WDR27: variants seen among roughly 807,000 people sequenced by gnomAD.
The protein encoded by WDR27 is WD repeat domain 27.
A neutral mutation model predicts 114.4 loss-of-function variants in WDR27; 100 were observed. The ratio of observed to expected loss-of-function variants is 0.87; its 90% CI spans 0.74 to 1.03. The LOEUF is 1.03. Ranked by LOEUF, WDR27 falls within the 50% of genes least tolerant of loss-of-function variation. The pLI is 0.00. For synonymous variants in WDR27, 449 were observed against 423.1 expected (o/e 1.06, Z -0.75); for missense variants, 1,129 against 1,092.9 (o/e 1.03, Z -0.47).
At position 169,668,269 on chromosome 6, in the gene WDR27, A is replaced by G. The variant is rs1003154962; in HGVS notation, c.457-84T>C. The G allele has an allele frequency of 5.7e-6, 8 of 1,404,334 alleles. No homozygotes were observed. In the African/African-American group the frequency reaches 1.1e-4, roughly 20 times the overall value. 87.0% of individuals were successfully genotyped at this position (1,404,334 alleles called of 1,614,324 possible). A position where few individuals can be genotyped will look rare whatever the true frequency, so the allele number is the denominator to read the frequency against. ...CCAAGGGTGAAAAGTCAGGTGTCTGAGCTAAGAGGAAAGCTCAGGCGACAG... is the reference window on the plus strand; with the variant it reads ...CCAAGGGTGAAAAGTCAGGTGTCTGGGCTAAGAGGAAAGCTCAGGCGACAG... On this transcript the variant is annotated intron_variant, in intron 4 of 25. Transcript: ENST00000448612.
intron 1 of WDR27, among the ~76,000 whole-genome samples, chr6:169,698,032 C>T (rs1441694029): frequency 1.3e-5 from 2 of 152,284 alleles, no homozygotes; most frequent in South Asian, 2.1e-4. Flanking sequence ...AAAGAAATAA[C>T]ACCATGACTC....
the WDR27 span, among the ~76,000 whole-genome samples, chr6:169,450,784 G>A: frequency 6.6e-6 from 1 of 152,150 alleles, no homozygotes; most frequent in African/African-American, 2.4e-5. Context: ...GAGATCCAGC[G>A]TGTCTCTGCT....
intron 25 of WDR27, among the ~76,000 whole-genome samples, chr6:169,487,807 A>G (rs1789138529): frequency 1.3e-5 from 2 of 152,244 alleles, no homozygotes; most frequent in South Asian, 4.1e-4. Context: ...AATGAGTATG[A>G]GAAAATCTCT....
intron 3 of WDR27, chr6:169,671,977 T>C (rs1460478279): frequency 3.8e-6 from 1 of 260,722 alleles, no homozygotes; most frequent in African/African-American, 2.2e-5. Context: ...TGGACAGTTC[T>C]TAAAATAAAA....
chr6:169,613,778 C>T lies in WDR27; in HGVS notation c.2224-122G>A, dbSNP rs940255075. On this transcript the variant is annotated intron_variant, in intron 21 of 25. Coordinates refer to ENST00000448612, the MANE Select transcript of WDR27 (RefSeq NM_182552.5). ...ATATTAACACAAAGTTTTTTTCTTA[C>T]TTGTAACAATTTCAGAATTGGACTC... The T allele has an allele frequency of 4.6e-6, 4 of 872,338 alleles. No individual in the cohort carries two copies. The African/African-American group carries it at 5.1e-5, about 11-fold the overall frequency. 54.0% of individuals were successfully genotyped at this position (872,338 alleles called of 1,614,324 possible).
intron 25 of WDR27, among the ~76,000 whole-genome samples, chr6:169,494,103 T>C (rs914522164): frequency 6.6e-6 from 1 of 152,246 alleles, no homozygotes; most frequent in Non-Finnish European, 1.5e-5. Context: ...TAATATTCTA[T>C]GTCAACTTGA....
intron 25 of WDR27, among the ~76,000 whole-genome samples, chr6:169,570,706 G>A (rs909407762): frequency 6.6e-6 from 1 of 152,180 alleles, no homozygotes; most frequent in African/African-American, 2.4e-5. Context: ...GCGGGCACCT[G>A]TAATCCCAAC....
intron 13 of WDR27, among the ~76,000 whole-genome samples, chr6:169,652,350 G>C (rs938699931): frequency 2.6e-5 from 4 of 152,256 alleles, no homozygotes; most frequent in Non-Finnish European, 4.4e-5. Context: ...CCATGTTCAA[G>C]TAATTCTCCT....
intron 25 of WDR27, among the ~76,000 whole-genome samples, chr6:169,551,873 G>A (rs1798186159): frequency 6.6e-6 from 1 of 152,106 alleles, no homozygotes; most frequent in Admixed American, 6.5e-5. Flanking sequence ...CTGCTATTCT[G>A]AACGCAGTCA....
chr6:169,687,410 GA>G (rs999625758), intron 2 of WDR27, among the ~76,000 whole-genome samples: 2 of 151,728 alleles, frequency 1.3e-5, no homozygotes, highest in African/African-American at 4.8e-5. Flanking sequence ...TAATCCAATA[GA>G]AAAAAATGGC....
At position 169,672,382 on chromosome 6, in the gene WDR27, T is replaced by C; in HGVS notation, c.204A>G (p.Arg68=). The part of the protein sequence containing the change: ...KDPSHQLLIL[R]GHHQPITAMA... Reference sequence around the variant, plus strand: ...TAGCAGTAATTGGCTGATGGTGTCCTCGTAGGATTAGAAGCTGGGAAAATT... The same window carrying C: ...TAGCAGTAATTGGCTGATGGTGTCCCCGTAGGATTAGAAGCTGGGAAAATT... The change falls in exon 3 of 26, where the codon CGA becomes CGG. Residue 68 remains arginine, a synonymous_variant. Coordinates refer to ENST00000448612, the MANE Select transcript of WDR27 (RefSeq NM_182552.5). The C allele has an allele frequency of 1.9e-6, 3 of 1,605,002 alleles. No individual in the cohort carries two copies. The highest frequency in any genetic ancestry group is 1.7e-5 in the Admixed American group (1 of 58,378).
intron 25 of WDR27, among the ~76,000 whole-genome samples, chr6:169,510,088 C>T (rs1453850501): frequency 6.6e-6 from 1 of 152,192 alleles, no homozygotes; most frequent in Non-Finnish European, 1.5e-5. Context: ...GAGATACCAC[C>T]TCACACCAGT....
intron 22 of WDR27, among the ~76,000 whole-genome samples, chr6:169,606,287 TG>T (rs1487528522): frequency 6.6e-6 from 1 of 152,102 alleles, no homozygotes; most frequent in East Asian, 1.9e-4. Context: ...CATTAAAAAG[TG>T]GGCAAAGGAC....
At chr6:169,497,111 T>C (rs1384481370) in intron 25 of WDR27, among the ~76,000 whole-genome samples, 1 of 152,046 alleles carries the variant, frequency 6.6e-6, no homozygotes, top group Non-Finnish European at 1.5e-5. Context: ...TAGAATTAAA[T>C]AGAGAGCCCA....
At chr6:169,661,906 T>C (rs1285203399) in intron 9 of WDR27, among the ~76,000 whole-genome samples, 1 of 152,266 alleles carries the variant, frequency 6.6e-6, no homozygotes, top group Non-Finnish European at 1.5e-5. Flanking sequence ...TATGTAATAA[T>C]ATTTCTACTG....
At chr6:169,571,235 C>A (rs542599240) in intron 25 of WDR27, among the ~76,000 whole-genome samples, 1 of 149,924 alleles carries the variant, frequency 6.7e-6, no homozygotes, top group South Asian at 2.1e-4. Flanking sequence ...AATTTCACAC[C>A]CACATACCTT....
At chr6:169,570,520 T>C (rs538039787) in intron 25 of WDR27, among the ~76,000 whole-genome samples, 119 of 152,314 alleles carry the variant, frequency 7.8e-4, no homozygotes, top group African/African-American at 2.6e-3. Context: ...TCAGCAGTCC[T>C]TTCTGTTATC....
At chr6:169,453,332 T>C (rs1366805563), downstream of WDR27, among the ~76,000 whole-genome samples, 2 of 152,136 alleles carry the variant, frequency 1.3e-5, no homozygotes, top group African/African-American at 4.8e-5. Flanking sequence ...TGTATTTATA[T>C]TAGGAATATA....
intron 2 of WDR27, among the ~76,000 whole-genome samples, chr6:169,677,841 G>A (rs1780458778): frequency 6.6e-6 from 1 of 152,262 alleles, no homozygotes; most frequent in African/African-American, 2.4e-5. Context: ...AGCTTGGGCT[G>A]CTGTTTCAGA....
Sources: allele counts gnomAD v4.1 joint callset (sites outside exome capture counted in the v4.1 genomes callset), GRCh38; gene constraint gnomAD v4.1.1; transcripts MANE v1.5; gene names NCBI Gene and HGNC (gene_info 2026-07-23, HGNC 2026-07-21).